The following KAZN variants were observed in gnomAD, a reference collection of about 807,000 sequenced individuals.
The protein encoded by KAZN is kazrin.
Under a neutral mutation model 87.4 loss-of-function variants are expected in KAZN, and 40 were observed. The ratio of observed to expected loss-of-function variants is 0.46; its 90% CI spans 0.36 to 0.60. The LOEUF (loss-of-function observed/expected upper bound fraction) is 0.60. KAZN is among the 20% of genes least tolerant of loss of function. The probability of loss-of-function intolerance (pLI) is 0.00; values close to 1 mark genes in which losing one functional copy is unlikely to be tolerated. For synonymous variants in KAZN, 466 were observed against 458.3 expected, an observed-to-expected ratio of 1.02 and a Z score of -0.22; for missense variants, 898 against 1,073.9, an observed-to-expected ratio of 0.84 and a Z score of 2.29.
chr1:15,067,950 T>C, intron 8 of KAZN: 1 of 817,604 alleles, frequency 1.2e-6, no homozygotes, highest in Non-Finnish European at 1.5e-6. Flanking sequence ...GTAGTTCCTT[T>C]TCATTTCAGT....
chr1:14,253,024 C>G (rs985687597), intron 2 of KAZN, among the ~76,000 whole-genome samples: 1 of 151,258 alleles, frequency 6.6e-6, no homozygotes, highest in Admixed American at 6.6e-5. Context: ...TCCTGTCTTT[C>G]CTTCGGAAAA....
At chr1:14,791,690 C>G (rs984647557) in intron 1 of KAZN, among the ~76,000 whole-genome samples, 1 of 152,192 alleles carries the variant, frequency 6.6e-6, no homozygotes, top group Non-Finnish European at 1.5e-5. Context: ...AATGCAGAAA[C>G]TGGAGATGAT....
intron 1 of KAZN, among the ~76,000 whole-genome samples, chr1:14,960,143 C>T (rs941631037): frequency 6.6e-6 from 1 of 152,200 alleles, no homozygotes; most frequent in African/African-American, 2.4e-5. Flanking sequence ...CTTTCTATGG[C>T]TGTTTCCCAA....
At chr1:13,990,935 G>A (rs1639252627) in intron 1 of KAZN, among the ~76,000 whole-genome samples, 2 of 152,162 alleles carry the variant, frequency 1.3e-5, no homozygotes, top group African/African-American at 4.8e-5. Flanking sequence ...AAGAAAATAA[G>A]CATTGCTGCC....
chr1:14,160,719 A>C (rs1645691515), intron 1 of KAZN, among the ~76,000 whole-genome samples: 1 of 152,200 alleles, frequency 6.6e-6, no homozygotes, highest in Admixed American at 6.5e-5. Context: ...GCTAGAAGTA[A>C]GTGAATTTGG....
chr1:14,614,918 C>T (rs749519894), intron 1 of KAZN, among the ~76,000 whole-genome samples: 4 of 152,308 alleles, frequency 2.6e-5, no homozygotes, highest in East Asian at 1.9e-4. Context: ...CTCGGTGAGG[C>T]GGGCAAGTTG....
chr1:14,632,331 A>T, intron 1 of KAZN, among the ~76,000 whole-genome samples: 1 of 152,206 alleles, frequency 6.6e-6, no homozygotes, highest in East Asian at 1.9e-4. Flanking sequence ...TTTTAAGGGA[A>T]TTCAATGGGA....
intron 2 of KAZN, among the ~76,000 whole-genome samples, chr1:14,447,217 T>C (rs1176429179): frequency 7.3e-6 from 1 of 136,116 alleles, no homozygotes; most frequent in African/African-American, 3.0e-5. Flanking sequence ...ACATTATTAT[T>C]ATTATTATTA....
At chr1:14,618,314 C>T (rs1469640590) in intron 1 of KAZN, among the ~76,000 whole-genome samples, 1 of 152,198 alleles carries the variant, frequency 6.6e-6, no homozygotes. Context: ...TGACTTTGGA[C>T]TAATCACTTT....
rs575674800 is a variant in KAZN, at chr1:14,443,710, G to A, written c.250-155273G>A. ...TCACTCCTCTCGAGCCTCCCACAGG[G>A]ATGTGGAGGCATTAAAGGTGCATTG... On this transcript the variant is annotated intron_variant, in intron 2 of 16. Coordinates refer to the KAZN transcript ENST00000636203. Among the ~76,000 whole-genome samples the A allele has an allele frequency of 2.0e-5, 3 of 152,330 alleles. No individual in the cohort carries two copies. The East Asian group carries it at 5.8e-4, about 29-fold the overall frequency.
intron 2 of KAZN, among the ~76,000 whole-genome samples, chr1:14,349,773 G>C (rs1051413855): frequency 4.6e-5 from 7 of 152,192 alleles, no homozygotes; most frequent in African/African-American, 1.7e-4. Context: ...GGTAGGGACA[G>C]CCTGGCCTGG....
intron 1 of KAZN, among the ~76,000 whole-genome samples, chr1:14,714,309 T>G (rs1455138981): frequency 1.3e-5 from 2 of 152,164 alleles, no homozygotes; most frequent in Non-Finnish European, 2.9e-5. Context: ...GTGAAGAGTA[T>G]TAGAGTATCC....
At chr1:14,466,661 A>T (rs1402133938) in intron 2 of KAZN, among the ~76,000 whole-genome samples, 4 of 80,960 alleles carry the variant, frequency 4.9e-5, no homozygotes, top group Admixed American at 2.3e-4. Flanking sequence ...AACTAAATTT[A>T]AAAAAAAAAA....
chr1:14,661,569 G>T (rs949052591), intron 1 of KAZN, among the ~76,000 whole-genome samples: 6 of 151,760 alleles, frequency 4.0e-5, no homozygotes, highest in Non-Finnish European at 8.8e-5. Flanking sequence ...AAGAACAGGT[G>T]GTGGGCCGTA....
chr1:13,983,254 C>T (rs115993538), intron 1 of KAZN, among the ~76,000 whole-genome samples: 2,105 of 152,330 alleles, frequency 0.014, 43 homozygotes, highest in African/African-American at 0.047. Context: ...CAGGAGCCCA[C>T]GGAGGGGTTG....
chr1:15,109,943 T>TTG (rs1280629463), intron 13 of KAZN, among the ~76,000 whole-genome samples: 6 of 16,582 alleles, frequency 3.6e-4, no homozygotes, highest in African/African-American at 1.1e-3. Flanking sequence ...GTGTGTGTGT[T>TTG]TGTGTATGTG....
At position 13,898,910 on chromosome 1, in the gene KAZN, A is replaced by G. The variant is rs577038034; in HGVS notation, c.91+5154A>G. On this transcript the variant is annotated intron_variant, in intron 1 of 16. Transcript: ENST00000636203. Reference sequence around the variant, plus strand: ...TTGGAAGCCAATTGCCAAATTTATAACTAAGAGGGCAAGGGAACTAACATT... The same window carrying G: ...TTGGAAGCCAATTGCCAAATTTATAGCTAAGAGGGCAAGGGAACTAACATT... 4.6e-5 allele frequency among the ~76,000 whole-genome samples: 7 copies of G among 152,382 alleles called. No homozygotes were observed. In the South Asian group the frequency reaches 1.5e-3, roughly 32 times the overall value.
chr1:14,518,656 A>T lies in KAZN; in HGVS notation c.250-80327A>T, dbSNP rs574970839. 2.0e-5 allele frequency among the ~76,000 whole-genome samples: 3 copies of T among 152,098 alleles called. No homozygotes were observed. The East Asian group carries it at 5.8e-4, about 29-fold the overall frequency. On this transcript the variant is annotated intron_variant, in intron 2 of 16. Coordinates refer to the KAZN transcript ENST00000636203. ...TGAGCTGTGTGACAGTGCTCGTAGG[A>T]GCTCCTGCCCTGACATCAAACAGCC...
At chr1:14,193,845 G>C (rs533862483) in intron 2 of KAZN, among the ~76,000 whole-genome samples, 1 of 152,030 alleles carries the variant, frequency 6.6e-6, no homozygotes, top group African/African-American at 2.4e-5. Context: ...GATAAGCCTA[G>C]GGTCCTCTAA....
Sources: allele counts gnomAD v4.1 joint callset (sites outside exome capture counted in the v4.1 genomes callset), GRCh38; gene constraint gnomAD v4.1.1; transcripts MANE v1.5; gene names NCBI Gene and HGNC (gene_info 2026-07-23, HGNC 2026-07-21).